The following TOP2B variants were observed in gnomAD, a reference collection of about 807,000 sequenced individuals.
The protein encoded by TOP2B is DNA topoisomerase 2-beta.
TOP2B carries 51 observed loss-of-function variants against 193.5 expected under a neutral mutation model. That is an observed-to-expected ratio of 0.26 (90% CI 0.21 to 0.33). TOP2B has a LOEUF of 0.33. TOP2B is among the 10% of genes least tolerant of loss of function. The pLI, the probability that TOP2B is intolerant of heterozygous loss-of-function variation, is 1.00. For missense variants in TOP2B, 1,378 were observed against 1,909.3 expected (o/e 0.72, Z 5.19); for synonymous variants, 634 against 635.7 (o/e 1.00, Z 0.04).
At chr3:25,660,008 T>C (rs1038024691) in intron 1 of TOP2B, among the ~76,000 whole-genome samples, 3 of 152,216 alleles carry the variant, frequency 2.0e-5, no homozygotes. Flanking sequence ...TTAATACTTT[T>C]AAAAATTCAA....
chr3:25,638,151 C>T lies in TOP2B; in HGVS notation c.541+14G>A. Reference sequence around the variant, plus strand: ...AAACAGTATTTTTCAACCAAAATTCCATTCAGACTTTACCTGTAACTTTTT... The same window carrying T: ...AAACAGTATTTTTCAACCAAAATTCTATTCAGACTTTACCTGTAACTTTTT... On this transcript the variant is annotated intron_variant, in intron 5 of 35. Transcript: ENST00000264331. 1 of 1,555,686 alleles carries T rather than the reference C, an allele frequency of 6.4e-7. No individual in the cohort carries two copies. The highest frequency in any genetic ancestry group is 8.7e-7 in the Non-Finnish European group (1 of 1,149,050).
At chr3:25,604,676 CAA>C in intron 33 of TOP2B, 82 bp downstream of exon 33, 1 of 1,145,312 alleles carries the variant, frequency 8.7e-7, no homozygotes, top group Non-Finnish European at 1.3e-6. Context: ...TAAAAAAATG[CAA>C]ATAGTTTCAA....
intron 8 of TOP2B, among the ~76,000 whole-genome samples, chr3:25,633,328 G>A (rs1469026993): frequency 6.6e-6 from 1 of 152,088 alleles, no homozygotes; most frequent in Non-Finnish European, 1.5e-5. Flanking sequence ...AGCAATAATA[G>A]CCAAATGGAA....
intron 28 of TOP2B, among the ~76,000 whole-genome samples, chr3:25,609,997 T>A (rs530410689): frequency 6.6e-6 from 1 of 152,042 alleles, no homozygotes; most frequent in East Asian, 1.9e-4. Context: ...TCAGAGGGAT[T>A]TCCAGACCAC....
intron 1 of TOP2B, among the ~76,000 whole-genome samples, chr3:25,662,692 A>AT (rs2125414812): frequency 6.6e-6 from 1 of 152,360 alleles, no homozygotes; most frequent in South Asian, 2.1e-4. Flanking sequence ...ACAAAATTAT[A>AT]TAACAGTTAA....
At chr3:25,605,759 T>C (rs1702221569) in intron 32 of TOP2B, among the ~76,000 whole-genome samples, 1 of 152,058 alleles carries the variant, frequency 6.6e-6, no homozygotes, top group South Asian at 2.1e-4. Flanking sequence ...TCATTATTTC[T>C]TTTCTCTCAT....
intron 25 of TOP2B, 83 bp from the exon 26 acceptor site, chr3:25,615,669 T>C: frequency 8.4e-7 from 1 of 1,191,640 alleles, no homozygotes; most frequent in African/African-American, 1.6e-5. Context: ...TAGTTTAAAA[T>C]TCTACAAGTG....
intron 1 of TOP2B, among the ~76,000 whole-genome samples, chr3:25,648,668 C>A (rs1703482879): frequency 1.3e-5 from 2 of 152,026 alleles, no homozygotes. Context: ...CCAGTCTGTG[C>A]AACATGGCCA....
Position 25,620,606 on chromosome 3 carries a change from G to T in TOP2B, c.2862+76C>A, listed in dbSNP as rs1174798075. The T allele has an allele frequency of 1.5e-5, 22 of 1,479,884 alleles. No individual in the cohort carries two copies. The South Asian group carries it at 2.7e-4, about 18-fold the overall frequency. The allele number at this position is 1,479,884 out of a possible 1,614,324, so 91.7% of individuals were successfully genotyped here. A position where few individuals can be genotyped will look rare whatever the true frequency, so the allele number is the denominator to read the frequency against. On this transcript the variant is annotated intron_variant, in intron 22 of 35. Transcript: ENST00000264331. Reference sequence around the variant, plus strand: ...ACTACGCACGCTTAGGACCAACAACGGTGGAATCATCCTTACCAGAAAAAA... The same window carrying T: ...ACTACGCACGCTTAGGACCAACAACTGTGGAATCATCCTTACCAGAAAAAA...
At chr3:25,647,779 T>C (rs1369703752) in intron 1 of TOP2B, among the ~76,000 whole-genome samples, 1 of 152,170 alleles carries the variant, frequency 6.6e-6, no homozygotes, top group Non-Finnish European at 1.5e-5. Context: ...ACCAAATTCC[T>C]ATCAAGTTCA....
intron 21 of TOP2B, among the ~76,000 whole-genome samples, chr3:25,622,460 T>A (rs1702683311): frequency 6.6e-6 from 1 of 151,518 alleles, no homozygotes; most frequent in Non-Finnish European, 1.5e-5. Context: ...GGTTTATGGA[T>A]TTTTTTACTC....
At chr3:25,620,417 C>T (rs183428303) in intron 22 of TOP2B, among the ~76,000 whole-genome samples, 1 of 152,236 alleles carries the variant, frequency 6.6e-6, no homozygotes, top group African/African-American at 2.4e-5. Context: ...ATTAAAAACA[C>T]TGTCATATTC....
At chr3:25,622,457 G>A (rs1394525536) in intron 21 of TOP2B, among the ~76,000 whole-genome samples, 4 of 151,828 alleles carry the variant, frequency 2.6e-5, no homozygotes, top group Admixed American at 2.6e-4. Flanking sequence ...GTGGGTTTAT[G>A]GATTTTTTTA....
At chr3:25,622,111 T>C (rs1278167580) in intron 21 of TOP2B, among the ~76,000 whole-genome samples, 2 of 152,210 alleles carry the variant, frequency 1.3e-5, no homozygotes, top group Non-Finnish European at 2.9e-5. Flanking sequence ...CTTTGATGTC[T>C]TGTCTTGACA....
rs1483196850 is a variant in TOP2B at position 25,635,968 on chromosome 3, C to A, written c.820G>T (p.Val274Phe). Residue 274 changes from valine to phenylalanine, a missense_variant, in exon 7 of 36, where the codon GTC (valine) becomes TTC (phenylalanine). By Grantham distance (50) the Val-to-Phe change is conservative. This residue lies in a region of TOP2B where 222 missense variants were observed against 306.6 expected (regional missense o/e 0.72). Transcript: ENST00000264331. Reference protein sequence around the residue: ...AYDLAGSCRGVKVMFNGKKLP... With the variant: ...AYDLAGSCRGFKVMFNGKKLP... ...TTCTTTCCATTAAACATGACCTTGA[C>A]CCCTCTACACGAACCAGCCAAATCA... is the stretch of plus-strand genomic sequence containing the variant. 1 of 1,613,130 alleles carries A rather than the reference C, an allele frequency of 6.2e-7. No homozygotes were observed. Among genetic ancestry groups the A allele is most frequent in the Non-Finnish European group, 8.5e-7 (1 of 1,179,402 alleles).
At chr3:25,601,303 A>G (rs780547526) in intron 33 of TOP2B, 78 bp from the exon 34 acceptor site, 1 of 1,483,916 alleles carries the variant, frequency 6.7e-7, no homozygotes, top group Non-Finnish European at 9.0e-7. Flanking sequence ...TATAAATGGA[A>G]TTTCTTATAG....
intron 31 of TOP2B, among the ~76,000 whole-genome samples, chr3:25,606,771 C>T (rs1702246830): frequency 6.6e-6 from 1 of 152,200 alleles, no homozygotes; most frequent in African/African-American, 2.4e-5. Flanking sequence ...GACTTAGTAA[C>T]TTTTCTCAAA....
At chr3:25,629,240 AAATTCTG>A in intron 13 of TOP2B, 95 bp from the exon 14 acceptor site, 1 of 867,652 alleles carries the variant, frequency 1.2e-6, no homozygotes, top group Non-Finnish European at 1.7e-6. Flanking sequence ...CAAAAAACCA[AAATTCTG>A]AATTTTAGAA....
At chr3:25,629,820 T>C (rs550619522) in intron 13 of TOP2B, among the ~76,000 whole-genome samples, 80 of 152,322 alleles carry the variant, frequency 5.3e-4, no homozygotes, top group African/African-American at 1.9e-3. Flanking sequence ...CACTGTATTA[T>C]ATTCTCCTTA....
Sources: allele counts gnomAD v4.1 joint callset (sites outside exome capture counted in the v4.1 genomes callset), GRCh38; gene constraint gnomAD v4.1.1; regional missense constraint gnomAD v4.1.1; transcripts MANE v1.5; gene names NCBI Gene and HGNC (gene_info 2026-07-23, HGNC 2026-07-21).